PHF24: variants seen among roughly 807,000 people sequenced by gnomAD.
PHF24 encodes PHD finger protein 24.
A neutral mutation model predicts 42.6 loss-of-function variants in PHF24; 25 were observed. That is an observed-to-expected ratio of 0.59 (90% CI 0.43 to 0.82). PHF24 has a LOEUF of 0.82. PHF24 is among the 40% of genes least tolerant of loss of function. PHF24 has a pLI of 0.00. For synonymous variants in PHF24, 185 were observed against 204.8 expected, an observed-to-expected ratio of 0.90 and a Z score of 0.83; for missense variants, 470 against 538.1, an observed-to-expected ratio of 0.87 and a Z score of 1.25.
chr9:34,681,638 C>G, the PHF24 span, among the ~76,000 whole-genome samples: 1 of 152,310 alleles, frequency 6.6e-6, no homozygotes, highest in African/African-American at 2.4e-5. Flanking sequence ...TGGTGAAGCC[C>G]TGTCTCTACT....
the PHF24 span, among the ~76,000 whole-genome samples, chr9:34,908,793 T>C: frequency 2.0e-5 from 3 of 151,984 alleles, no homozygotes; most frequent in Non-Finnish European, 2.9e-5. Flanking sequence ...GACTTCTTTC[T>C]CAATCTTATT....
chr9:34,743,879 G>A, the PHF24 span, among the ~76,000 whole-genome samples: 45 of 152,126 alleles, frequency 3.0e-4, no homozygotes, highest in African/African-American at 1.1e-3. Flanking sequence ...AGCACATGAC[G>A]CTGGGATCTG....
the PHF24 span, chr9:34,709,703 G>A: frequency 2.5e-6 from 4 of 1,613,590 alleles, no homozygotes; most frequent in Admixed American, 5.0e-5. Flanking sequence ...GGGCTAGTAA[G>A]CCTTCTTAGT....
At chr9:34,966,587 C>T (rs10122284) in intron 1 of PHF24, among the ~76,000 whole-genome samples, 4 of 151,538 alleles carry the variant, frequency 2.6e-5, no homozygotes, top group East Asian at 1.9e-4. Context: ...GAGACCCCCC[C>T]CCTCGCCCCA....
chr9:34,767,083 C>T, the PHF24 span, among the ~76,000 whole-genome samples: 8 of 152,148 alleles, frequency 5.3e-5, no homozygotes, highest in South Asian at 2.1e-4. Context: ...GAGGAGTACC[C>T]GGCCATGTGA....
At chr9:34,695,840 C>T in the PHF24 span, among the ~76,000 whole-genome samples, 4 of 152,092 alleles carry the variant, frequency 2.6e-5, no homozygotes, top group Non-Finnish European at 5.9e-5. Context: ...CTATCTGTTT[C>T]CTGCCAGGGT....
chr9:34,716,794 A>G, the PHF24 span, among the ~76,000 whole-genome samples: 1 of 151,998 alleles, frequency 6.6e-6, no homozygotes, highest in Non-Finnish European at 1.5e-5. Context: ...TTTTTGTAGA[A>G]AGGGGGTTTC....
the PHF24 span, among the ~76,000 whole-genome samples, chr9:34,704,100 A>G: frequency 6.6e-6 from 1 of 151,790 alleles, no homozygotes; most frequent in Non-Finnish European, 1.5e-5. Context: ...ATCATAGCTC[A>G]CTGCAGCCTC....
chr9:34,771,535 T>C, the PHF24 span, among the ~76,000 whole-genome samples: 6 of 152,364 alleles, frequency 3.9e-5, no homozygotes, highest in Non-Finnish European at 8.8e-5. Context: ...AGAGGACATA[T>C]AAGCCTTTTG....
At chr9:34,831,745 T>C in the PHF24 span, among the ~76,000 whole-genome samples, 1 of 152,194 alleles carries the variant, frequency 6.6e-6, no homozygotes, top group Non-Finnish European at 1.5e-5. Context: ...CAGGCCCTTC[T>C]CCATTTTCTA....
At chr9:34,689,915 G>A in the PHF24 span, 1 of 1,613,816 alleles carries the variant, frequency 6.2e-7, no homozygotes, top group Non-Finnish European at 8.5e-7. The surrounding 1 kb of genome is among the most constrained non-coding windows in gnomAD (Gnocchi z 4.1). Context: ...CAGGGCCAGG[G>A]AGGGCCAGGC....
At chr9:34,723,341 C>G in the PHF24 span, 1 of 1,551,504 alleles carries the variant, frequency 6.4e-7, no homozygotes, top group Admixed American at 2.0e-5. Flanking sequence ...GGAGTGTAGC[C>G]GGAGCTTATC....
the PHF24 span, among the ~76,000 whole-genome samples, chr9:34,716,550 G>GT: frequency 7.2e-6 from 1 of 138,186 alleles, no homozygotes; most frequent in East Asian, 2.2e-4. Context: ...CTCCTTTTTT[G>GT]TTTGTTTTGT....
the PHF24 span, among the ~76,000 whole-genome samples, chr9:34,824,586 A>G: frequency 6.6e-6 from 1 of 152,152 alleles, no homozygotes; most frequent in Non-Finnish European, 1.5e-5. Flanking sequence ...TGTATCTTAG[A>G]TGAGGAAGGT....
At chr9:34,972,772 G>A (rs1827044373) in intron 3 of PHF24, among the ~76,000 whole-genome samples, 1 of 151,978 alleles carries the variant, frequency 6.6e-6, no homozygotes, top group East Asian at 1.9e-4. Flanking sequence ...AAATTAGCTG[G>A]GCGTGGTGGC....
chr9:34,679,532 T>C, the PHF24 span, among the ~76,000 whole-genome samples: 1 of 152,130 alleles, frequency 6.6e-6, no homozygotes, highest in South Asian at 2.1e-4. Flanking sequence ...CTGGCCAACA[T>C]GGTGAAACCC....
intron 4 of PHF24, 150 bp from the exon 5 acceptor site, chr9:34,976,384 TC>T (rs1827185759): frequency 1.0e-6 from 1 of 988,512 alleles, no homozygotes; most frequent in Non-Finnish European, 1.5e-6. Context: ...GAGTCACCTA[TC>T]CCTGTCACAG....
the PHF24 span, among the ~76,000 whole-genome samples, chr9:34,701,784 C>A: frequency 6.6e-6 from 1 of 152,072 alleles, no homozygotes; most frequent in Admixed American, 6.5e-5. The surrounding 1 kb of genome is among the most constrained non-coding windows in gnomAD (Gnocchi z 5.8). Context: ...CTCGGGGGTC[C>A]TCTGCGGGGC....
the PHF24 span, among the ~76,000 whole-genome samples, chr9:34,720,582 A>G: frequency 3.3e-5 from 5 of 152,132 alleles, no homozygotes; most frequent in Non-Finnish European, 1.5e-5. Context: ...CTGAGGGATA[A>G]TAGCTGTCCA....
Sources: allele counts gnomAD v4.1 joint callset (sites outside exome capture counted in the v4.1 genomes callset), GRCh38; gene constraint gnomAD v4.1.1; non-coding constraint Gnocchi (gnomAD v3.1); transcripts MANE v1.5; gene names NCBI Gene and HGNC (gene_info 2026-07-23, HGNC 2026-07-21).